COPZ2: variants seen among roughly 807,000 people sequenced by gnomAD.
COPZ2 encodes the protein coatomer subunit zeta-2.
Under a neutral mutation model 33.2 loss-of-function variants are expected in COPZ2, and 30 were observed. That is an observed-to-expected ratio of 0.90 (90% CI 0.68 to 1.23). COPZ2 has a LOEUF of 1.23. Among genes scored for constraint, COPZ2 ranks in the 50% most tolerant of loss-of-function variants. The probability of loss-of-function intolerance (pLI) is 0.00; values close to 1 mark genes in which losing one functional copy is unlikely to be tolerated. For synonymous variants in COPZ2, 89 were observed against 102.6 expected (o/e 0.87, Z 0.80); for missense variants, 263 against 262.4 (o/e 1.00, Z -0.02).
chr17:48,038,985 G>A (rs374749366), upstream of COPZ2, among the ~76,000 whole-genome samples: 2 of 151,048 alleles, frequency 1.3e-5, no homozygotes, highest in Non-Finnish European at 2.9e-5. Flanking sequence ...TACTAATATT[G>A]CTTGTTTGAG....
At chr17:48,043,782 T>C in the COPZ2 span, among the ~76,000 whole-genome samples, 1 of 152,198 alleles carries the variant, frequency 6.6e-6, no homozygotes. Flanking sequence ...ATGGCCCAAC[T>C]AGTAAGAAAC....
intron 2 of COPZ2, among the ~76,000 whole-genome samples, chr17:48,035,754 T>C (rs1460924900): frequency 9.4e-6 from 1 of 106,112 alleles, no homozygotes; most frequent in Non-Finnish European, 2.1e-5. Flanking sequence ...TTTTCTTTTC[T>C]TTTTTTTTTT....
chr17:48,036,681 C>T (rs994583443), intron 2 of COPZ2, among the ~76,000 whole-genome samples, 170 bp downstream of exon 2: 3 of 152,162 alleles, frequency 2.0e-5, no homozygotes, highest in Non-Finnish European at 2.9e-5. Context: ...ATAGAGGAGA[C>T]CCCTCATTTC....
In COPZ2 at chr17:48,026,300, G is replaced by C. The variant is rs951230941; in HGVS notation, c.*128C>G. Reference sequence around the variant, plus strand: ...TTGCATCTCAGAAGCCCTGGCTGGAGACCTTAGGAGTCAGTTCTGGGAGGG... The same window carrying C: ...TTGCATCTCAGAAGCCCTGGCTGGACACCTTAGGAGTCAGTTCTGGGAGGG... On this transcript the variant is annotated 3_prime_UTR_variant, in exon 9 of 9. Coordinates refer to ENST00000621465, the MANE Select transcript of COPZ2 (RefSeq NM_016429.4). 1 of 693,964 alleles carries C rather than the reference G, an allele frequency of 1.4e-6. No individual in the cohort carries two copies. Among genetic ancestry groups the C allele is most frequent in the Admixed American group, 2.8e-5 (1 of 36,282 alleles). The allele number at this position is 693,964 out of a possible 1,614,324, so 43.0% of individuals were successfully genotyped here.
the COPZ2 span, chr17:48,045,320 C>G: frequency 6.6e-6 from 1 of 152,094 alleles, no homozygotes; most frequent in African/African-American, 2.4e-5. Flanking sequence ...CTGGGTTTCC[C>G]TTTTAGGGAA....
At chr17:48,037,924 T>G, upstream of COPZ2, 1 of 754,558 alleles carries the variant, frequency 1.3e-6, no homozygotes. This position sits in a 1 kb window ranked among gnomAD's most constrained non-coding sequence, Gnocchi z 5.6. Context: ...CCATCTCCCC[T>G]CCCGCCCTCA....
At chr17:48,043,166 G>GT in the COPZ2 span, among the ~76,000 whole-genome samples, 1 of 152,216 alleles carries the variant, frequency 6.6e-6, no homozygotes, top group Admixed American at 6.5e-5. Flanking sequence ...CTCCCTTCGG[G>GT]TAGGCACAGT....
At chr17:48,044,013 T>G in the COPZ2 span, among the ~76,000 whole-genome samples, 1 of 151,926 alleles carries the variant, frequency 6.6e-6, no homozygotes, top group African/African-American at 2.4e-5. Flanking sequence ...ATTGTAGAGG[T>G]GAAGAAAGAA....
At chr17:48,034,016 G>A (rs2036940809) in intron 2 of COPZ2, 72 bp from the exon 3 acceptor site, 1 of 1,082,344 alleles carries the variant, frequency 9.2e-7, no homozygotes, top group Non-Finnish European at 1.4e-6. Flanking sequence ...TGGGGGGCAG[G>A]AAAGAGTAGG....
upstream of COPZ2, chr17:48,037,918 C>G: frequency 1.1e-6 from 1 of 901,960 alleles, no homozygotes; most frequent in Non-Finnish European, 1.3e-6. This position sits in a 1 kb window ranked among gnomAD's most constrained non-coding sequence, Gnocchi z 5.6. Context: ...TCTCCCCCAT[C>G]TCCCCTCCCG....
upstream of COPZ2, chr17:48,038,019 C>G (rs2037020987): frequency 4.1e-5 from 12 of 294,030 alleles, no homozygotes; most frequent in Non-Finnish European, 6.0e-5. Flanking sequence ...AACTCTGCAT[C>G]CTCAGGGTGC....
chr17:48,039,860 G>A (rs1357866856), upstream of COPZ2, among the ~76,000 whole-genome samples: 2 of 152,110 alleles, frequency 1.3e-5, no homozygotes, highest in Admixed American at 6.5e-5. Context: ...GGTGGCTCAC[G>A]CCTGTAATTC....
chr17:48,031,281 T>A (rs2036890815), intron 6 of COPZ2, among the ~76,000 whole-genome samples: 1 of 151,842 alleles, frequency 6.6e-6, no homozygotes. Flanking sequence ...TGAAACCCCG[T>A]CTCTACTAAA....
At chr17:48,035,162 T>C (rs906004502) in intron 2 of COPZ2, among the ~76,000 whole-genome samples, 2 of 152,188 alleles carry the variant, frequency 1.3e-5, no homozygotes, top group African/African-American at 2.4e-5. Flanking sequence ...TTGGGAATGG[T>C]GAGCCTCTCT....
the COPZ2 span, among the ~76,000 whole-genome samples, chr17:48,043,171 C>T: frequency 0.11 from 16,187 of 152,202 alleles, 1,110 homozygotes; most frequent in African/African-American, 0.19. Flanking sequence ...TTCGGGTAGG[C>T]ACAGTAGGAT....
Position 48,026,507 on chromosome 17 carries a change from T to C in COPZ2, c.586-32A>G, listed in dbSNP as rs776235445. 11 of 1,540,946 alleles carry C rather than the reference T, an allele frequency of 7.1e-6. No individual in the cohort carries two copies. The South Asian group carries it at 1.0e-4, about 14-fold the overall frequency. On this transcript the variant is annotated intron_variant, in intron 8 of 8. Coordinates refer to ENST00000621465, the MANE Select transcript of COPZ2 (RefSeq NM_016429.4). ...TGGGGTGGGGGAGGTTGAGAGAGAATTGAGAATGTCAAATGCCTCCATACA... is the reference window on the plus strand; with the variant it reads ...TGGGGTGGGGGAGGTTGAGAGAGAACTGAGAATGTCAAATGCCTCCATACA...
chr17:48,030,478 A>C (rs1712995510), intron 6 of COPZ2, among the ~76,000 whole-genome samples: 1 of 152,168 alleles, frequency 6.6e-6, no homozygotes, highest in Non-Finnish European at 1.5e-5. Context: ...AGATGACAGG[A>C]TCTGAGTGTA....
At position 48,035,758 on chromosome 17, in the gene COPZ2, T is replaced by C. The variant is rs190020380; in HGVS notation, c.186+1093A>G. On this transcript the variant is annotated intron_variant, in intron 2 of 8. Transcript: ENST00000621465. ...ATTTCTTTTCTTTTTCTTTTCTTTT[T>C]TTTTTTTTTTTTGAGACAGAGTTTC... Among the ~76,000 whole-genome samples, 342 of 141,144 alleles carry C rather than the reference T, an allele frequency of 2.4e-3. 5 individuals are homozygous for C. In the East Asian group the frequency reaches 0.029, roughly 12 times the overall value. The allele number at this position is 141,144 out of a possible 152,430, so 92.6% of individuals were successfully genotyped here.
intron 2 of COPZ2, among the ~76,000 whole-genome samples, chr17:48,035,753 C>CTTTTTT (rs368011148): frequency 2.3e-5 from 3 of 131,518 alleles, no homozygotes; most frequent in East Asian, 2.2e-4. Context: ...TTTTTCTTTT[C>CTTTTTT]TTTTTTTTTT....
Sources: gnomAD v4.1 joint callset for allele counts (sites outside exome capture counted in the v4.1 genomes callset) on GRCh38, gnomAD v4.1.1 for gene constraint, Gnocchi (gnomAD v3.1) non-coding constraint, MANE v1.5 for transcripts, NCBI Gene and HGNC (gene_info 2026-07-23, HGNC 2026-07-21) for gene names.